The following PCDHGA3 variants were observed in gnomAD, a reference collection of about 807,000 sequenced individuals.
The protein encoded by PCDHGA3 is protocadherin gamma-A3.
PCDHGA3 carries 40 observed loss-of-function variants against 58.5 expected under a neutral mutation model. The observed-to-expected ratio is 0.68, with a 90% CI of 0.53 to 0.89. The LOEUF is 0.89. Among genes scored for constraint, PCDHGA3 ranks in the 40% least tolerant of loss-of-function variants. PCDHGA3 has a pLI of 0.00. For synonymous variants in PCDHGA3, 530 were observed against 525.7 expected (o/e 1.01, Z -0.11); for missense variants, 1,223 against 1,195.9 (o/e 1.02, Z -0.33).
chr5:141,412,285 C>T (rs957716949), intron 1 of PCDHGA3: 3 of 152,194 alleles, frequency 2.0e-5, no homozygotes, highest in Non-Finnish European at 4.4e-5. Context: ...TCAAATTCTA[C>T]GTATTTCTTT....
chr5:141,394,850 G>C, intron 1 of PCDHGA3: 1 of 1,613,820 alleles, frequency 6.2e-7, no homozygotes, highest in Non-Finnish European at 8.5e-7. Flanking sequence ...GCAGTCTGAA[G>C]CCTTCGGTCG....
chr5:141,371,323 AAG>A, intron 1 of PCDHGA3: 1 of 1,614,012 alleles, frequency 6.2e-7, no homozygotes, highest in Non-Finnish European at 8.5e-7. Context: ...CTGGACTTTG[AAG>A]AGAGAGATAG....
chr5:141,403,079 T>A (rs770770660), intron 1 of PCDHGA3: 1 of 1,614,064 alleles, frequency 6.2e-7, no homozygotes, highest in East Asian at 2.2e-5. Context: ...AGAAAAGGGC[T>A]ATATTGTGGG....
chr5:141,421,527 GTCC>G (rs2096581302), intron 1 of PCDHGA3: 1 of 1,614,050 alleles, frequency 6.2e-7, no homozygotes, highest in African/African-American at 1.3e-5. Flanking sequence ...GTGAGACGGT[GTCC>G]TCCTGTTTTT....
chr5:141,448,983 T>G (rs1157371020), intron 1 of PCDHGA3, among the ~76,000 whole-genome samples: 1 of 152,004 alleles, frequency 6.6e-6, no homozygotes, highest in East Asian at 1.9e-4. Flanking sequence ...ACTTCCATAT[T>G]AATATATAGA....
chr5:141,475,951 G>A, intron 1 of PCDHGA3: 4 of 766,902 alleles, frequency 5.2e-6, no homozygotes, highest in South Asian at 1.9e-5. Flanking sequence ...CCCTTTCTGC[G>A]CCCCGGGATG....
intron 1 of PCDHGA3, chr5:141,433,186 G>A (rs753657435): frequency 1.4e-5 from 23 of 1,601,378 alleles, no homozygotes; most frequent in Non-Finnish European, 1.9e-5. Context: ...TAATTGAGGT[G>A]AGTTTATATC....
intron 1 of PCDHGA3, chr5:141,417,979 G>C (rs2096202372): frequency 6.2e-7 from 1 of 1,613,752 alleles, no homozygotes; most frequent in Admixed American, 1.7e-5. Context: ...TTCCGGAGGA[G>C]CTGGCCAAGG....
intron 1 of PCDHGA3, chr5:141,413,858 G>T: frequency 6.2e-7 from 1 of 1,613,258 alleles, no homozygotes; most frequent in Non-Finnish European, 8.5e-7. Context: ...CTCCGATCTG[G>T]CACTGTCCTT....
At chr5:141,504,995 G>A (rs1214858212) in intron 2 of PCDHGA3, among the ~76,000 whole-genome samples, 6 of 151,980 alleles carry the variant, frequency 3.9e-5, no homozygotes, top group African/African-American at 1.5e-4. Context: ...AACCCCGTCT[G>A]TACTAAAAAT....
chr5:141,369,443 G>T (rs1052997530), intron 1 of PCDHGA3, among the ~76,000 whole-genome samples: 1 of 152,056 alleles, frequency 6.6e-6, no homozygotes, highest in Non-Finnish European at 1.5e-5. Context: ...GAGGTGGGAG[G>T]ATTGCTTAAA....
In PCDHGA3 at chr5:141,392,992, C is replaced by A. The variant is rs1233401263; in HGVS notation, c.2424+46535C>A. ...CTGGGGCTGGACCCCCGGAAGCTGG[C>A]GAAGCACGGAGTCCGTATCGTCTCC... is the stretch of plus-strand genomic sequence containing the variant. On this transcript the variant is annotated intron_variant, in intron 1 of 3. Transcript: ENST00000253812. 5 of 1,613,818 alleles carry A rather than the reference C, an allele frequency of 3.1e-6. No homozygotes were observed. The Admixed American group carries it at 5.0e-5, about 16-fold the overall frequency.
In PCDHGA3 at chr5:141,477,767, A is replaced by G. The variant is rs1178354274; in HGVS notation, c.2425-17040A>G. 6.2e-7 allele frequency: 1 copy of G among 1,613,906 alleles called. No homozygotes were observed. The highest frequency in any genetic ancestry group is 8.5e-7 in the Non-Finnish European group (1 of 1,180,038). On this transcript the variant is annotated intron_variant, in intron 1 of 3. Coordinates refer to ENST00000253812, the MANE Select transcript of PCDHGA3 (RefSeq NM_018916.4). The surrounding 1 kb of genome is among the most constrained non-coding windows in gnomAD (Gnocchi z 4.9). ...GGGCACCCCGGTCCTAGCCACCAAC[A>G]TCAGCGTGAACATATTTGTCACTGA...
chr5:141,403,661 G>C (rs2094439419), intron 1 of PCDHGA3: 1 of 1,613,904 alleles, frequency 6.2e-7, no homozygotes, highest in Non-Finnish European at 8.5e-7. Context: ...GGATACAAAT[G>C]ATAATGCCCC....
chr5:141,426,166 G>A (rs545570121), intron 1 of PCDHGA3: 4 of 155,070 alleles, frequency 2.6e-5, no homozygotes, highest in South Asian at 2.0e-4. Context: ...GATTCCATAC[G>A]GATTGGGGTG....
chr5:141,398,183 T>C, intron 1 of PCDHGA3: 1 of 1,477,856 alleles, frequency 6.8e-7, no homozygotes, highest in South Asian at 1.4e-5. Flanking sequence ...GTGCTCTTTC[T>C]CTTCCTGCTG....
At chr5:141,374,994 C>A in intron 1 of PCDHGA3, 2 of 1,614,038 alleles carry the variant, frequency 1.2e-6, no homozygotes, top group Non-Finnish European at 1.7e-6. Flanking sequence ...ATTTCAACTT[C>A]TGCAAATCTA....
At chr5:141,421,060 A>C (rs1394861719) in intron 1 of PCDHGA3, 3 of 579,718 alleles carry the variant, frequency 5.2e-6, no homozygotes, top group Non-Finnish European at 8.8e-6. Context: ...TACCACACAA[A>C]GCGGAATGAG....
At chr5:141,393,167 G>C (rs889451396) in intron 1 of PCDHGA3, 17 of 1,613,166 alleles carry the variant, frequency 1.1e-5, no homozygotes, top group East Asian at 2.2e-5. Context: ...AACTCTTTGG[G>C]GTAGAAATAG....
Sources: gnomAD v4.1 joint callset for allele counts (sites outside exome capture counted in the v4.1 genomes callset) on GRCh38, gnomAD v4.1.1 for gene constraint, Gnocchi (gnomAD v3.1) non-coding constraint, MANE v1.5 for transcripts, NCBI Gene and HGNC (gene_info 2026-07-23, HGNC 2026-07-21) for gene names.